The following ZNF385D variants were observed in gnomAD, a reference collection of about 807,000 sequenced individuals.
ZNF385D encodes the protein zinc finger protein 385D, also known as zinc finger protein 659.
A neutral mutation model predicts 35.8 loss-of-function variants in ZNF385D; 15 were observed. The ratio of observed to expected loss-of-function variants is 0.42; its 90% CI spans 0.28 to 0.64. The LOEUF (loss-of-function observed/expected upper bound fraction) is 0.64, where lower values mean the gene tolerates loss of function less well. Among genes scored for constraint, ZNF385D ranks in the 30% least tolerant of loss-of-function variants. ZNF385D has a pLI of 0.23. For synonymous variants in ZNF385D, 212 were observed against 186.8 expected, an observed-to-expected ratio of 1.13 and a Z score of -1.10; for missense variants, 474 against 494.6, an observed-to-expected ratio of 0.96 and a Z score of 0.39.
At chr3:21,962,195 T>C (rs1702636827) in intron 3 of ZNF385D, among the ~76,000 whole-genome samples, 1 of 152,092 alleles carries the variant, frequency 6.6e-6, no homozygotes, top group Non-Finnish European at 1.5e-5. Flanking sequence ...GAGATGATTA[T>C]GTATTTGGCT....
intron 3 of ZNF385D, among the ~76,000 whole-genome samples, chr3:22,069,211 C>G (rs1183385214): frequency 6.6e-6 from 1 of 152,208 alleles, no homozygotes; most frequent in African/African-American, 2.4e-5. Flanking sequence ...CCAACAGGGT[C>G]TGAGAAAATG....
intron 7 of ZNF385D, among the ~76,000 whole-genome samples, chr3:21,421,921 T>TA (rs2125243514): frequency 1.3e-5 from 2 of 152,192 alleles, no homozygotes; most frequent in South Asian, 4.1e-4. Context: ...TCAAAATAAA[T>TA]AAAAACAATA....
intron 3 of ZNF385D, among the ~76,000 whole-genome samples, chr3:21,524,728 T>C (rs1479615874): frequency 6.6e-6 from 1 of 152,120 alleles, no homozygotes; most frequent in Non-Finnish European, 1.5e-5. Context: ...AGTAAGGTTG[T>C]TCTCCCTGAG....
intron 3 of ZNF385D, chr3:22,168,366 A>C (rs1258645880): frequency 6.6e-6 from 1 of 152,224 alleles, no homozygotes; most frequent in East Asian, 1.9e-4. Flanking sequence ...AGTCTGTACT[A>C]ACAGATCATA....
At chr3:21,524,837 A>G (rs957727650) in intron 3 of ZNF385D, among the ~76,000 whole-genome samples, 4 of 152,224 alleles carry the variant, frequency 2.6e-5, no homozygotes, top group African/African-American at 7.2e-5. Context: ...AGGGCTGACT[A>G]TATATAAAAG....
intron 3 of ZNF385D, among the ~76,000 whole-genome samples, chr3:21,776,080 T>A (rs1236074412): frequency 6.6e-6 from 1 of 151,794 alleles, no homozygotes; most frequent in Non-Finnish European, 1.5e-5. Flanking sequence ...ATCAAAATCT[T>A]CTGTCATTAA....
Position 21,556,076 on chromosome 3 carries a change from T to G in ZNF385D, c.276+8498A>C, listed in dbSNP as rs1257791318. 6.1e-5 allele frequency among the ~76,000 whole-genome samples: 9 copies of G among 148,642 alleles called. No individual in the cohort carries two copies. In the South Asian group the frequency reaches 6.3e-4, roughly 10 times the overall value. On this transcript the variant is annotated intron_variant, in intron 3 of 7. Transcript: ENST00000281523. ...ACGTTTTTTTTGTTTTTGTTTTTTT[T>G]TTTTTTTTTTTGTAAATTTAAGTTC...
intron 2 of ZNF385D, among the ~76,000 whole-genome samples, chr3:21,624,536 G>T (rs904140724): frequency 6.6e-6 from 1 of 152,030 alleles, no homozygotes; most frequent in Non-Finnish European, 1.5e-5. Context: ...ATCATACTCT[G>T]AGACTTTATA....
chr3:22,099,733 G>A (rs1392998134), intron 3 of ZNF385D, among the ~76,000 whole-genome samples: 1 of 151,982 alleles, frequency 6.6e-6, no homozygotes, highest in East Asian at 1.9e-4. Flanking sequence ...TGGAGCGTAA[G>A]GAGAGCTGAA....
At chr3:21,480,648 G>GT (rs1704561605) in intron 4 of ZNF385D, among the ~76,000 whole-genome samples, 1 of 152,034 alleles carries the variant, frequency 6.6e-6, no homozygotes, top group Admixed American at 6.6e-5. Flanking sequence ...ACTAAAATGC[G>GT]TAACACATAT....
At chr3:21,731,606 C>G (rs1232607157) in intron 1 of ZNF385D, among the ~76,000 whole-genome samples, 1 of 152,194 alleles carries the variant, frequency 6.6e-6, no homozygotes, top group African/African-American at 2.4e-5. Context: ...TCCCTCATTA[C>G]AGTAACATAC....
intron 3 of ZNF385D, among the ~76,000 whole-genome samples, chr3:22,096,739 T>C (rs919796730): frequency 7.9e-5 from 12 of 152,068 alleles, no homozygotes; most frequent in African/African-American, 2.4e-4. Context: ...CTATGTGTCA[T>C]GGCACATGAA....
Position 21,625,880 on chromosome 3 carries a change from A to C in ZNF385D, c.165+39006T>G, listed in dbSNP as rs74484305. 2.8e-3 allele frequency among the ~76,000 whole-genome samples: 420 copies of C among 152,252 alleles called. 3 individuals carry two copies. Among genetic ancestry groups the C allele is most frequent in the Non-Finnish European group, 3.7e-3 (252 of 67,990 alleles). On this transcript the variant is annotated intron_variant, in intron 2 of 7. Transcript: ENST00000281523. ...ATTAGTCAGTGCTGCCAAAGTAGTC[A>C]AAGCGATTTGAAATTATCATTCAAA... is the stretch of plus-strand genomic sequence containing the variant.
chr3:22,031,166 C>T (rs1697976291), intron 3 of ZNF385D, among the ~76,000 whole-genome samples: 1 of 152,194 alleles, frequency 6.6e-6, no homozygotes, highest in African/African-American at 2.4e-5. Context: ...TTTCCAAGTG[C>T]AAGGTGAAAG....
chr3:22,281,238 G>T (rs1038058448), intron 2 of ZNF385D, among the ~76,000 whole-genome samples: 7 of 151,890 alleles, frequency 4.6e-5, no homozygotes, highest in African/African-American at 1.5e-4. Context: ...TCTTTCTCTT[G>T]TCTGACTGCT....
intron 3 of ZNF385D, among the ~76,000 whole-genome samples, chr3:21,842,028 T>G (rs928204667): frequency 6.6e-6 from 1 of 151,832 alleles, no homozygotes; most frequent in Non-Finnish European, 1.5e-5. Flanking sequence ...AATATATAAT[T>G]GAAAATGTAT....
intron 1 of ZNF385D, among the ~76,000 whole-genome samples, chr3:21,713,932 T>A (rs905365698): frequency 6.6e-6 from 1 of 152,170 alleles, no homozygotes; most frequent in Admixed American, 6.5e-5. Flanking sequence ...AGTCTATGGA[T>A]CCTACCACCT....
At chr3:21,620,329 G>A (rs1388341829) in intron 2 of ZNF385D, among the ~76,000 whole-genome samples, 2 of 146,786 alleles carry the variant, frequency 1.4e-5, no homozygotes, top group Non-Finnish European at 3.0e-5. Flanking sequence ...CATTATGGAA[G>A]AGTCCTAAAA....
chr3:22,162,088 T>C (rs1705994447), intron 3 of ZNF385D, among the ~76,000 whole-genome samples: 1 of 152,200 alleles, frequency 6.6e-6, no homozygotes, highest in Non-Finnish European at 1.5e-5. Context: ...TCCCTTCTCA[T>C]TTCTTTTGCA....
Sources: allele counts gnomAD v4.1 joint callset (sites outside exome capture counted in the v4.1 genomes callset), GRCh38; gene constraint gnomAD v4.1.1; transcripts MANE v1.5; gene names NCBI Gene and HGNC (gene_info 2026-07-23, HGNC 2026-07-21).